The following ZNF716 variants were observed in gnomAD, a reference collection of about 807,000 sequenced individuals.
The protein encoded by ZNF716 is zinc finger protein 716.
A neutral mutation model predicts 13.4 loss-of-function variants in ZNF716; 9 were observed. The observed-to-expected ratio is 0.67, with a 90% CI of 0.41 to 1.18. The LOEUF is 1.18. Among genes scored for constraint, ZNF716 ranks in the 50% most tolerant of loss-of-function variants. The pLI is 0.01. For missense variants in ZNF716, 581 were observed against 576.6 expected (o/e 1.01, Z -0.08); for synonymous variants, 186 against 195.2 (o/e 0.95, Z 0.39).
In ZNF716 at chr7:57,470,326, G is replaced by T. The variant is rs189572737; in HGVS notation, c.*377G>T. ...ATTACAGGCACGTGCAACCACACTG[G>T]CTGAGTTTTGTATTTTTAGTAGAGA... On this transcript the variant is annotated 3_prime_UTR_variant, in exon 4 of 4. Transcript: ENST00000420713. 1.3e-4 allele frequency: 22 copies of T among 165,840 alleles called. No individual in the cohort carries two copies. Among genetic ancestry groups the T allele is most frequent in the Non-Finnish European group, 2.6e-5 (2 of 76,414 alleles). 10.3% of individuals were successfully genotyped at this position (165,840 alleles called of 1,614,324 possible). A position where few individuals can be genotyped will look rare whatever the true frequency, so the allele number is the denominator to read the frequency against.
intron 1 of ZNF716, among the ~76,000 whole-genome samples, chr7:57,452,377 G>A (rs573803419): frequency 1.3e-3 from 192 of 152,160 alleles, no homozygotes; most frequent in African/African-American, 4.2e-3. Context: ...GCTCATGCCT[G>A]TAATCCTAGC....
intron 1 of ZNF716, among the ~76,000 whole-genome samples, chr7:57,450,624 G>C (rs936786351): frequency 1.3e-5 from 2 of 152,116 alleles, no homozygotes; most frequent in African/African-American, 4.8e-5. Context: ...TGCAGGGATG[G>C]GAAAGTCATC....
intron 1 of ZNF716, among the ~76,000 whole-genome samples, chr7:57,457,290 C>T (rs73345949): frequency 6.6e-6 from 1 of 152,142 alleles, no homozygotes; most frequent in Non-Finnish European, 1.5e-5. Flanking sequence ...CTGTCTGTAG[C>T]ACGTCTGTGG....
At chr7:57,467,108 A>G (rs1345117981) in intron 3 of ZNF716, among the ~76,000 whole-genome samples, 1 of 151,914 alleles carries the variant, frequency 6.6e-6, no homozygotes, top group Admixed American at 6.6e-5. Flanking sequence ...ACAACAGTAT[A>G]TTTTAAACTG....
intron 1 of ZNF716, among the ~76,000 whole-genome samples, chr7:57,456,353 A>T (rs1400617831): frequency 1.3e-5 from 2 of 152,156 alleles, no homozygotes; most frequent in East Asian, 3.9e-4. Flanking sequence ...AAGGGAGATT[A>T]TGGGAGTCTC....
chr7:57,460,300 C>G (rs1789684617), intron 1 of ZNF716, among the ~76,000 whole-genome samples: 1 of 146,464 alleles, frequency 6.8e-6, no homozygotes, highest in Non-Finnish European at 1.5e-5. Flanking sequence ...GGGGCTGAGG[C>G]AGTAGAATCG....
chr7:57,463,614 T>C (rs769854741), intron 3 of ZNF716, among the ~76,000 whole-genome samples: 13 of 151,684 alleles, frequency 8.6e-5, no homozygotes, highest in Non-Finnish European at 1.8e-4. Context: ...TCTGTTTTTA[T>C]TACTATAGCC....
intron 3 of ZNF716, among the ~76,000 whole-genome samples, chr7:57,468,503 C>T (rs76064556): frequency 0.067 from 10,122 of 152,102 alleles, 438 homozygotes; most frequent in East Asian, 0.15. Flanking sequence ...GGCATTGTGC[C>T]CACCTGGTGC....
intron 1 of ZNF716, among the ~76,000 whole-genome samples, chr7:57,451,266 T>C (rs782756817): frequency 7.9e-5 from 12 of 151,772 alleles, no homozygotes; most frequent in Non-Finnish European, 1.6e-4. Context: ...CCGCCTGCCT[T>C]GGCCTCCGAA....
At position 57,469,460 on chromosome 7, in the gene ZNF716, T is replaced by C; in HGVS notation, c.999T>C (p.Phe333=). Residue 333 remains phenylalanine, a synonymous_variant, in exon 4 of 4, where the codon TTT becomes TTC. Coordinates refer to ENST00000420713, the MANE Select transcript of ZNF716 (RefSeq NM_001159279.1). ...PYKCEECGKA[F]SLSSTLKKHK... ...AATGTGAAGAATGTGGCAAAGCCTT[T>C]AGCTTATCCTCAACCCTTAAGAAAC... The C allele has an allele frequency of 1.2e-6, 2 of 1,613,902 alleles. No homozygotes were observed. Among genetic ancestry groups the C allele is most frequent in the Non-Finnish European group, 1.7e-6 (2 of 1,179,934 alleles).
chr7:57,456,215 A>G (rs1295361850), intron 1 of ZNF716, among the ~76,000 whole-genome samples: 3 of 151,810 alleles, frequency 2.0e-5, no homozygotes, highest in South Asian at 4.2e-4. Flanking sequence ...CGGCTTCCCA[A>G]CGTGCTGGGA....
intron 1 of ZNF716, among the ~76,000 whole-genome samples, chr7:57,457,389 G>A (rs1789616805): frequency 6.6e-6 from 1 of 152,186 alleles, no homozygotes; most frequent in African/African-American, 2.4e-5. Flanking sequence ...CTGTCACCCA[G>A]GCTGGAGTGC....
At position 57,471,057 on chromosome 7, in the gene ZNF716, A is replaced by G. The variant is rs1789925691; in HGVS notation, c.*1108A>G. 6.6e-6 allele frequency: 1 copy of G among 152,206 alleles called. No homozygotes were observed. Among genetic ancestry groups the G allele is most frequent in the Non-Finnish European group, 1.5e-5 (1 of 68,040 alleles). 9.4% of individuals were successfully genotyped at this position (152,206 alleles called of 1,614,324 possible). A position where few individuals can be genotyped will look rare whatever the true frequency, so the allele number is the denominator to read the frequency against. ...TACTAGAGAAAAATTGTAAAAATAT[A>G]AAGAATGTGAAAAGCCATTAATGTC... On this transcript the variant is annotated 3_prime_UTR_variant, in exon 4 of 4. Coordinates refer to ENST00000420713, the MANE Select transcript of ZNF716 (RefSeq NM_001159279.1).
Position 57,472,756 on chromosome 7 carries a change from C to G in ZNF716, c.*2807C>G, listed in dbSNP as rs1230547397. 1 of 152,164 alleles carries G rather than the reference C, an allele frequency of 6.6e-6. No individual in the cohort carries two copies. The highest frequency in any genetic ancestry group is 1.5e-5 in the Non-Finnish European group (1 of 68,034). The allele number at this position is 152,164 out of a possible 1,614,324, so 9.4% of individuals were successfully genotyped here. On this transcript the variant is annotated 3_prime_UTR_variant, in exon 4 of 4. Coordinates refer to ENST00000420713, the MANE Select transcript of ZNF716 (RefSeq NM_001159279.1). ...TGCTGGGATTACAGGCATGAGCCAC[C>G]ATGCCTGGCCTACTAGAGGTTTTAC...
At chr7:57,460,016 A>T (rs1554322771) in intron 1 of ZNF716, among the ~76,000 whole-genome samples, 2 of 152,048 alleles carry the variant, frequency 1.3e-5, no homozygotes, top group Non-Finnish European at 2.9e-5. Context: ...AGAGCATCTC[A>T]TCTGATAATG....
chr7:57,463,643 T>TG (rs1418717833), intron 3 of ZNF716, among the ~76,000 whole-genome samples: 1 of 151,916 alleles, frequency 6.6e-6, no homozygotes, highest in Non-Finnish European at 1.5e-5. Flanking sequence ...TAAATTTTTT[T>TG]TACAATTTTT....
At chr7:57,468,346 C>G (rs1789850783) in intron 3 of ZNF716, among the ~76,000 whole-genome samples, 1 of 152,016 alleles carries the variant, frequency 6.6e-6, no homozygotes, top group Non-Finnish European at 1.5e-5. Flanking sequence ...CTCCCATAAG[C>G]CAAAAGTAAA....
intron 1 of ZNF716, among the ~76,000 whole-genome samples, chr7:57,450,945 A>T (rs1789478961): frequency 6.6e-6 from 1 of 152,078 alleles, no homozygotes; most frequent in African/African-American, 2.4e-5. Flanking sequence ...TGGCTTGGTT[A>T]TGTCATCAGA....
intron 3 of ZNF716, 32 bp downstream of exon 3, chr7:57,463,200 G>T: frequency 3.7e-6 from 6 of 1,601,482 alleles, no homozygotes; most frequent in South Asian, 1.1e-5. Context: ...AGATGACACA[G>T]ATGAGAGTTA....
Sources: gnomAD v4.1 joint callset for allele counts (sites outside exome capture counted in the v4.1 genomes callset) on GRCh38, gnomAD v4.1.1 for gene constraint, MANE v1.5 for transcripts, NCBI Gene and HGNC (gene_info 2026-07-23, HGNC 2026-07-21) for gene names.